MBD5: variants seen among roughly 807,000 people sequenced by gnomAD.
MBD5 encodes the protein methyl-CpG-binding domain protein 5.
Under a neutral mutation model 117.3 loss-of-function variants are expected in MBD5, and 13 were observed. That is an observed-to-expected ratio of 0.11 (90% CI 0.07 to 0.18). The LOEUF is 0.18. Ranked by LOEUF, MBD5 falls within the 10% of genes least tolerant of loss-of-function variation. The pLI, the probability that MBD5 is intolerant of heterozygous loss-of-function variation, is 1.00. For synonymous variants in MBD5, 727 were observed against 766.4 expected, an observed-to-expected ratio of 0.95 and a Z score of 0.85; for missense variants, 1,879 against 2,093.8, an observed-to-expected ratio of 0.90 and a Z score of 2.00.
Position 148,394,429 on chromosome 2 carries a change from A to G in MBD5, c.-557+52093A>G, listed in dbSNP as rs150227463. Among the ~76,000 whole-genome samples the G allele has an allele frequency of 8.4e-4, 128 of 151,874 alleles. 3 individuals are homozygous for G. Among genetic ancestry groups the G allele is most frequent in the African/African-American group, 2.9e-3 (120 of 41,480 alleles). On this transcript the variant is annotated intron_variant, in intron 4 of 13. Coordinates refer to ENST00000642680, the MANE Select transcript of MBD5 (RefSeq NM_001378120.1). ...ATCCTATATTTTTCTGGGAATTCAT[A>G]TATTTCATTTCTATCTTCAAATATT... is the stretch of plus-strand genomic sequence containing the variant.
At chr2:148,246,841 C>A (rs1700349244) in intron 3 of MBD5, among the ~76,000 whole-genome samples, 1 of 149,298 alleles carries the variant, frequency 6.7e-6, no homozygotes, top group Admixed American at 6.7e-5. Flanking sequence ...AAACTGCTAT[C>A]TCTAGGTTTA....
At chr2:148,285,678 A>G (rs149838084) in intron 3 of MBD5, among the ~76,000 whole-genome samples, 32 of 152,318 alleles carry the variant, frequency 2.1e-4, no homozygotes, top group African/African-American at 7.2e-4. Context: ...TAATATGCCC[A>G]TATTACCACA....
At chr2:148,322,689 C>T (rs894001299) in intron 3 of MBD5, among the ~76,000 whole-genome samples, 1 of 152,108 alleles carries the variant, frequency 6.6e-6, no homozygotes, top group Admixed American at 6.5e-5. Flanking sequence ...GCTTTTGTTC[C>T]ACACTATTTT....
At chr2:148,480,139 TA>T (rs937723944) in intron 8 of MBD5, among the ~76,000 whole-genome samples, 1 of 152,078 alleles carries the variant, frequency 6.6e-6, no homozygotes, top group African/African-American at 2.4e-5. Flanking sequence ...AAGAAAAATT[TA>T]AAAAACTATA....
In MBD5 at chr2:148,307,330, T is replaced by G. The variant is rs540998807; in HGVS notation, c.-679-34884T>G. 1.1e-4 allele frequency among the ~76,000 whole-genome samples: 17 copies of G among 152,196 alleles called. 1 individual carries two copies. In the South Asian group the frequency reaches 3.1e-3, roughly 28 times the overall value. On this transcript the variant is annotated intron_variant, in intron 3 of 13. Coordinates refer to ENST00000642680, the MANE Select transcript of MBD5 (RefSeq NM_001378120.1). ...TTCATCAGAAAATTATGAGCTCTAT[T>G]TTTTTAAAGAACTTTATAAGTAAAT...
At chr2:148,176,307 T>G (rs1321043021) in intron 1 of MBD5, among the ~76,000 whole-genome samples, 3 of 138,504 alleles carry the variant, frequency 2.2e-5, no homozygotes, top group African/African-American at 2.9e-5. Context: ...GAGTTTTGTT[T>G]TTTTTTTTTT....
intron 2 of MBD5, among the ~76,000 whole-genome samples, chr2:148,232,374 G>T (rs894807012): frequency 2.0e-5 from 3 of 152,170 alleles, no homozygotes; most frequent in Non-Finnish European, 2.9e-5. Context: ...TTGTTACGTG[G>T]ATAGTAGAGT....
At chr2:148,376,396 T>C (rs1703988931) in intron 4 of MBD5, among the ~76,000 whole-genome samples, 1 of 149,960 alleles carries the variant, frequency 6.7e-6, no homozygotes, top group Non-Finnish European at 1.5e-5. Flanking sequence ...GCCTCCCGAG[T>C]AGCTGGGACT....
intron 4 of MBD5, among the ~76,000 whole-genome samples, chr2:148,359,027 C>T (rs536531707): frequency 5.3e-5 from 8 of 151,836 alleles, no homozygotes; most frequent in Admixed American, 6.6e-5. Flanking sequence ...TTTGGGAGGC[C>T]GAGGCACATG....
At position 148,323,617 on chromosome 2, in the gene MBD5, T is replaced by C. The variant is rs1702352086; in HGVS notation, c.-679-18597T>C. On this transcript the variant is annotated intron_variant, in intron 3 of 13. Transcript: ENST00000642680. ...GCCAGTGATGGTGAGCATTTTTTCA[T>C]GTGTTTTTTGGCTGCATAAATGTCT... 2.0e-5 allele frequency among the ~76,000 whole-genome samples: 3 copies of C among 151,802 alleles called. No individual in the cohort carries two copies. The South Asian group carries it at 6.2e-4, about 32-fold the overall frequency.
At chr2:148,256,181 T>G (rs1700586080) in intron 3 of MBD5, among the ~76,000 whole-genome samples, 1 of 152,246 alleles carries the variant, frequency 6.6e-6, no homozygotes. Flanking sequence ...CCTGAGCACA[T>G]GCCAGGCATT....
intron 4 of MBD5, among the ~76,000 whole-genome samples, chr2:148,418,798 C>G (rs1434249060): frequency 2.0e-5 from 3 of 151,922 alleles, no homozygotes; most frequent in Non-Finnish European, 4.4e-5. Context: ...ACCATAGTGC[C>G]CCAAACAATC....
chr2:148,146,604 G>T (rs1370030742), intron 1 of MBD5, among the ~76,000 whole-genome samples: 1 of 151,990 alleles, frequency 6.6e-6, no homozygotes, highest in Non-Finnish European at 1.5e-5. Context: ...TATACTATTT[G>T]AGTTTGTTGA....
chr2:148,112,409 A>G (rs940388094), intron 1 of MBD5, among the ~76,000 whole-genome samples: 1 of 152,140 alleles, frequency 6.6e-6, no homozygotes, highest in Non-Finnish European at 1.5e-5. Flanking sequence ...AAATTATACC[A>G]TTTATAAGGT....
chr2:148,365,303 C>T (rs1703662842), intron 4 of MBD5, among the ~76,000 whole-genome samples: 1 of 152,130 alleles, frequency 6.6e-6, no homozygotes, highest in Non-Finnish European at 1.5e-5. Flanking sequence ...AGAACAAAGA[C>T]ACAACATACC....
At chr2:148,247,184 G>A (rs563947094) in intron 3 of MBD5, among the ~76,000 whole-genome samples, 2 of 152,102 alleles carry the variant, frequency 1.3e-5, no homozygotes, top group South Asian at 2.1e-4. Context: ...TGAAACCATG[G>A]TTGGTATAAA....
intron 1 of MBD5, among the ~76,000 whole-genome samples, chr2:148,134,230 A>AGATG (rs1423925696): frequency 7.6e-6 from 1 of 132,040 alleles, no homozygotes; most frequent in African/African-American, 2.8e-5. Flanking sequence ...ATAGATAGAT[A>AGATG]GATAGATCGA....
chr2:148,061,382 A>G (rs1295621815), intron 1 of MBD5, among the ~76,000 whole-genome samples: 10 of 152,112 alleles, frequency 6.6e-5, no homozygotes, highest in Admixed American at 4.6e-4. Context: ...TAAAATTAGA[A>G]GAGTTTGGCA....
chr2:148,219,557 G>A (rs1302810821), intron 2 of MBD5, among the ~76,000 whole-genome samples: 1 of 152,140 alleles, frequency 6.6e-6, no homozygotes, highest in African/African-American at 2.4e-5. Context: ...ATAGAGAGTT[G>A]TAAGGTTAGT....
Sources: gnomAD v4.1 joint callset for allele counts (sites outside exome capture counted in the v4.1 genomes callset) on GRCh38, gnomAD v4.1.1 for gene constraint, MANE v1.5 for transcripts, NCBI Gene and HGNC (gene_info 2026-07-23, HGNC 2026-07-21) for gene names.